The following DDX19B variants were observed in gnomAD, a reference collection of about 807,000 sequenced individuals.
The protein encoded by DDX19B is ATP-dependent RNA helicase DDX19B.
DDX19B carries 27 observed loss-of-function variants against 58.1 expected under a neutral mutation model. That is an observed-to-expected ratio of 0.46 (90% CI 0.34 to 0.64). DDX19B has a LOEUF of 0.64. Among genes scored for constraint, DDX19B ranks in the 30% least tolerant of loss-of-function variants. DDX19B has a pLI of 0.01. For missense variants in DDX19B, 399 were observed against 596.5 expected (o/e 0.67, Z 3.45); for synonymous variants, 187 against 214.4 (o/e 0.87, Z 1.12).
intron 5 of DDX19B, among the ~76,000 whole-genome samples, chr16:70,320,578 C>T (rs1264920332): frequency 1.3e-5 from 2 of 151,246 alleles, no homozygotes; most frequent in African/African-American, 4.9e-5. Context: ...GACAGAGTCT[C>T]GCTCTGTAGC....
chr16:70,324,830 T>A lies in DDX19B; in HGVS notation c.492+143T>A, dbSNP rs550085790. The A allele has an allele frequency of 4.6e-6, 3 of 655,936 alleles. No individual in the cohort carries two copies. The South Asian group carries it at 6.1e-5, about 13-fold the overall frequency. The allele number at this position is 655,936 out of a possible 1,614,324, so 40.6% of individuals were successfully genotyped here. A position where few individuals can be genotyped will look rare whatever the true frequency, so the allele number is the denominator to read the frequency against. On this transcript the variant is annotated intron_variant, in intron 6 of 11. Coordinates refer to ENST00000288071, the MANE Select transcript of DDX19B (RefSeq NM_007242.7). ...ACTTTGGGAGGCCGAGGTGGGCGGA[T>A]CACCTGAGGTCAGGAGTTCTAGACC...
At chr16:70,305,609 G>C (rs61391917) in intron 1 of DDX19B, among the ~76,000 whole-genome samples, 10,911 of 151,992 alleles carry the variant, frequency 0.072, 1,313 homozygotes, top group African/African-American at 0.25. Flanking sequence ...TCCTGTGCTT[G>C]TGTGTGCTGG....
chr16:70,325,654 A>G lies in DDX19B; in HGVS notation c.573A>G (p.Glu191=), dbSNP rs150416272. 2 of 1,613,974 alleles carry G rather than the reference A, an allele frequency of 1.2e-6. No individual in the cohort carries two copies. Among genetic ancestry groups the G allele is most frequent in the African/African-American group, 2.7e-5 (2 of 74,916 alleles). The stretch of plus-strand genomic sequence containing the variant: ...AACAAATGGGCAAATTTTACCCTGA[A>G]CTGAAGCTAGCTTATGCTGTTCGAG... ...VIEQMGKFYP[E]LKLAYAVRGN... is the part of the protein sequence containing the mutation. Residue 191 remains glutamate, a synonymous_variant, in exon 7 of 12, where the codon GAA becomes GAG. Coordinates refer to ENST00000288071, the MANE Select transcript of DDX19B (RefSeq NM_007242.7).
chr16:70,330,877 T>C (rs1265462630), intron 9 of DDX19B, among the ~76,000 whole-genome samples: 2 of 151,652 alleles, frequency 1.3e-5, no homozygotes, highest in Non-Finnish European at 2.9e-5. Context: ...AGACCCCATC[T>C]CTACAAAAAT....
chr16:70,321,876 A>C (rs927285570), intron 5 of DDX19B, among the ~76,000 whole-genome samples: 4 of 150,542 alleles, frequency 2.7e-5, no homozygotes, highest in African/African-American at 7.3e-5. Flanking sequence ...TCTACTAAAA[A>C]TACAAAAAAT....
At chr16:70,309,245 C>T (rs562241791) in intron 1 of DDX19B, among the ~76,000 whole-genome samples, 1 of 152,236 alleles carries the variant, frequency 6.6e-6, no homozygotes, top group Non-Finnish European at 1.5e-5. Context: ...CCTGTAATCC[C>T]AGCACTTCGG....
chr16:70,329,780 T>C, intron 8 of DDX19B, 51 bp from the exon 9 acceptor site: 1 of 1,610,028 alleles, frequency 6.2e-7, no homozygotes, highest in Non-Finnish European at 8.5e-7. Flanking sequence ...GCTGTGCTTC[T>C]GTCGCTTCCC....
intron 5 of DDX19B, among the ~76,000 whole-genome samples, chr16:70,318,900 C>T (rs113877777): frequency 2.0e-5 from 3 of 151,774 alleles, no homozygotes; most frequent in African/African-American, 4.8e-5. Flanking sequence ...CTCCGGAGAT[C>T]GAGACCATCC....
upstream of DDX19B, among the ~76,000 whole-genome samples, chr16:70,290,679 G>C (rs968057816): frequency 1.3e-5 from 2 of 152,194 alleles, no homozygotes; most frequent in African/African-American, 2.4e-5. Context: ...TTGGGCGACA[G>C]AGCGAGGCCC....
chr16:70,329,117 G>C (rs146060731), intron 7 of DDX19B, among the ~76,000 whole-genome samples, 175 bp from the exon 8 acceptor site: 1,872 of 151,390 alleles, frequency 0.012, 42 homozygotes, highest in African/African-American at 0.043. Context: ...TAGATACTTG[G>C]GAGGCTGAGG....
chr16:70,294,882 C>G (rs1409583698), upstream of DDX19B: 3 of 1,526,766 alleles, frequency 2.0e-6, no homozygotes, highest in Non-Finnish European at 2.6e-6. Context: ...AGATCGCGCC[C>G]TGCGGCGGTT....
intron 8 of DDX19B, 40 bp from the exon 9 acceptor site, chr16:70,329,791 G>C: frequency 6.2e-7 from 1 of 1,612,356 alleles, no homozygotes; most frequent in Non-Finnish European, 8.5e-7. Flanking sequence ...GTCGCTTCCC[G>C]GGGCCACCTG....
At chr16:70,318,896 A>G (rs1962600659) in intron 5 of DDX19B, among the ~76,000 whole-genome samples, 1 of 151,906 alleles carries the variant, frequency 6.6e-6, no homozygotes, top group Non-Finnish European at 1.5e-5. Context: ...CAAGCTCCGG[A>G]GATCGAGACC....
At chr16:70,326,790 C>T (rs1388564784) in intron 7 of DDX19B, among the ~76,000 whole-genome samples, 1 of 151,888 alleles carries the variant, frequency 6.6e-6, no homozygotes, top group Admixed American at 6.6e-5. Context: ...TCTGCCTCGG[C>T]CTCCCAAAGT....
At chr16:70,292,071 G>C (rs1961072013), upstream of DDX19B, among the ~76,000 whole-genome samples, 1 of 152,046 alleles carries the variant, frequency 6.6e-6, no homozygotes, top group Non-Finnish European at 1.5e-5. Flanking sequence ...GAATCACTTG[G>C]AGCCCAGAAG....
upstream of DDX19B, among the ~76,000 whole-genome samples, chr16:70,296,449 T>A (rs532602633): frequency 3.9e-5 from 6 of 152,034 alleles, no homozygotes; most frequent in Non-Finnish European, 2.9e-5. Context: ...TTAGGCATTT[T>A]CCATAGTGTA....
At chr16:70,329,719 G>A (rs1307308975) in intron 8 of DDX19B, 112 bp from the exon 9 acceptor site, 11 of 1,442,638 alleles carry the variant, frequency 7.6e-6, no homozygotes, top group African/African-American at 2.8e-5. Flanking sequence ...TCCCCAAGAC[G>A]CTCCTCTCCC....
In DDX19B at chr16:70,333,516, C is replaced by T. The variant is rs1430156736; in HGVS notation, c.1379-5C>T. 1.9e-6 allele frequency: 3 copies of T among 1,613,986 alleles called. No homozygotes were observed. Among genetic ancestry groups the T allele is most frequent in the Non-Finnish European group, 1.7e-6 (2 of 1,179,866 alleles). On this transcript the variant is annotated splice_polypyrimidine_tract_variant and splice_region_variant and intron_variant, in intron 11 of 11. Transcript: ENST00000288071. ...AGGGTAGAGACCTGTGTATCTTTCC[C>T]CCAGATAAGAAGATAGAAAGATTGG... is the stretch of plus-strand genomic sequence containing the variant.
At chr16:70,306,133 G>GTTGTTGTTGTTGTTGT (rs1025438396) in intron 1 of DDX19B, among the ~76,000 whole-genome samples, 1 of 151,542 alleles carries the variant, frequency 6.6e-6, no homozygotes, top group East Asian at 1.9e-4. Flanking sequence ...CAGTTTTGTT[G>GTTGTTGTTGTTGTTGT]TTGTTGTTGT....
Sources: allele counts gnomAD v4.1 joint callset (sites outside exome capture counted in the v4.1 genomes callset), GRCh38; gene constraint gnomAD v4.1.1; transcripts MANE v1.5; gene names NCBI Gene and HGNC (gene_info 2026-07-23, HGNC 2026-07-21).